The following FHAD1 variants were observed in gnomAD, a reference collection of about 807,000 sequenced individuals.
The protein encoded by FHAD1 is forkhead associated phosphopeptide binding domain 1, also known as forkhead-associated domain-containing protein 1.
A neutral mutation model predicts 191.3 loss-of-function variants in FHAD1; 146 were observed. The ratio of observed to expected loss-of-function variants is 0.76; its 90% CI spans 0.67 to 0.88. The LOEUF (loss-of-function observed/expected upper bound fraction) is 0.88. Among genes scored for constraint, FHAD1 ranks in the 40% least tolerant of loss-of-function variants. The probability of loss-of-function intolerance (pLI) is 0.00; values close to 1 mark genes in which losing one functional copy is unlikely to be tolerated. For synonymous variants in FHAD1, 616 were observed against 672.3 expected, an observed-to-expected ratio of 0.92 and a Z score of 1.29; for missense variants, 1,635 against 1,785.8, an observed-to-expected ratio of 0.92 and a Z score of 1.52.
At chr1:15,245,716 T>G (rs1645941538), upstream of FHAD1, among the ~76,000 whole-genome samples, 1 of 152,186 alleles carries the variant, frequency 6.6e-6, no homozygotes, top group African/African-American at 2.4e-5. Context: ...TGGAAGAGAT[T>G]TGTAGGGACA....
rs373546783 is a variant in FHAD1, at chr1:15,329,469, G to A, written c.1834G>A (p.Ala612Thr). Residue 612 changes from alanine to threonine, a missense_variant, in exon 14 of 34, where the codon GCG becomes ACG. Ala to Thr is a moderately conservative substitution (Grantham distance 58). Coordinates refer to ENST00000688493, the MANE Select transcript of FHAD1 (RefSeq NM_001391957.1). The surrounding 1 kb of genome is among the most constrained non-coding windows in gnomAD (Gnocchi z 5.0). Reference protein sequence around the residue: ...QKVVLDVLRHALSWLEEVEQL... With the variant: ...QKVVLDVLRHTLSWLEEVEQL... ...GGTGGTGCTGGACGTCCTGAGGCACGCGCTGTCCTGGCTGGAGGAGGTGGA... is the reference window on the plus strand; with the variant it reads ...GGTGGTGCTGGACGTCCTGAGGCACACGCTGTCCTGGCTGGAGGAGGTGGA... 2.3e-5 allele frequency: 35 copies of A among 1,551,140 alleles called. No individual in the cohort carries two copies. The highest frequency in any genetic ancestry group is 2.7e-5 in the Non-Finnish European group (31 of 1,146,990).
chr1:15,349,098 G>C lies in FHAD1; in HGVS notation c.2403G>C (p.Ser801=), dbSNP rs192804195. The C allele has an allele frequency of 9.7e-6, 15 of 1,551,472 alleles. No homozygotes were observed. The highest frequency in any genetic ancestry group is 1.7e-4 in the Middle Eastern group (1 of 6,012). Residue 801 remains serine, a synonymous_variant, in exon 19 of 34, where the codon TCG becomes TCC. Coordinates refer to ENST00000688493, the MANE Select transcript of FHAD1 (RefSeq NM_001391957.1). ...GAAAAGCAAAGGAAGCCTTGGAGTC[G>C]GAAAAGAGAAAAGTTCAGGATCTGG... The part of the protein sequence containing the change: ...EKRKAKEALE[S]EKRKVQDLEN...
chr1:15,383,793 T>C, intron 31 of FHAD1: 1 of 385,906 alleles, frequency 2.6e-6, no homozygotes, highest in East Asian at 7.8e-5. Flanking sequence ...GGTACGATGA[T>C]CCCTATTTTA....
chr1:15,289,331 C>CTGGGACAAAGAAA lies in FHAD1; in HGVS notation c.301-64_301-52dup. 6.6e-7 allele frequency: 1 copy of CTGGGACAAAGAAA among 1,510,706 alleles called. No individual in the cohort carries two copies. Among genetic ancestry groups the CTGGGACAAAGAAA allele is most frequent in the Non-Finnish European group, 8.9e-7 (1 of 1,124,074 alleles). 93.6% of individuals were successfully genotyped at this position (1,510,706 alleles called of 1,614,324 possible). A position where few individuals can be genotyped will look rare whatever the true frequency, so the allele number is the denominator to read the frequency against. On this transcript the variant is annotated intron_variant, in intron 3 of 33. Coordinates refer to ENST00000688493, the MANE Select transcript of FHAD1 (RefSeq NM_001391957.1). The surrounding 1 kb of genome is among the most constrained non-coding windows in gnomAD (Gnocchi z 4.2). ...AAGACCTTGGGCAGCAATGCTGTGG[C>CTGGGACAAAGAAA]TGGGACAAAGAAATGGAGACCATCC...
chr1:15,375,165 T>G (rs980474946), intron 27 of FHAD1, among the ~76,000 whole-genome samples: 2 of 152,162 alleles, frequency 1.3e-5, no homozygotes, highest in Non-Finnish European at 2.9e-5. Context: ...CTACTTTTTC[T>G]TATTTCATGG....
At chr1:15,255,120 T>TAAAAAAAAAAAAAAAAAAAAAA (rs55969718) in intron 2 of FHAD1, among the ~76,000 whole-genome samples, 4 of 147,762 alleles carry the variant, frequency 2.7e-5, no homozygotes, top group Non-Finnish European at 6.0e-5. Flanking sequence ...TCAGGAATCT[T>TAAAAAAAAAAAAAAAAAAAAAA]AAAAAAGTCA....
Position 15,313,160 on chromosome 1 carries a change from C to T in FHAD1, c.1143C>T (p.Asp381=). ...TAAAAAGTCAGAACAAGGACAAGGA[C>T]CACCAGCTGGAAGCCCTTGGCTCTA... ...SHLKSQNKDK[D]HQLEALGSRC... Residue 381 remains aspartate (D), a synonymous_variant, in exon 8 of 34, where the codon GAC becomes GAT. Transcript: ENST00000688493. 6.4e-7 allele frequency: 1 copy of T among 1,551,990 alleles called. No individual in the cohort carries two copies.
rs576672295 is a variant in FHAD1 at position 15,343,435 on chromosome 1, T to G, written c.2130+1547T>G. On this transcript the variant is annotated intron_variant, in intron 16 of 33. Transcript: ENST00000688493. The stretch of plus-strand genomic sequence containing the variant: ...ATATCTCCTCTCTTCCCCGGAAGAG[T>G]ACTGGACCTGCCCCCTTCTCCATCT... Among the ~76,000 whole-genome samples the G allele has an allele frequency of 5.5e-5, 8 of 146,240 alleles. No homozygotes were observed. In the Admixed American group the frequency reaches 5.6e-4, roughly 10 times the overall value.
At chr1:15,354,320 C>G (rs1335410999) in intron 20 of FHAD1, among the ~76,000 whole-genome samples, 1 of 152,146 alleles carries the variant, frequency 6.6e-6, no homozygotes, top group East Asian at 1.9e-4. Context: ...CAACGCTGCT[C>G]TAGGGAGAAT....
intron 2 of FHAD1, among the ~76,000 whole-genome samples, chr1:15,263,720 A>G (rs1652175016): frequency 6.6e-6 from 1 of 151,646 alleles, no homozygotes; most frequent in African/African-American, 2.4e-5. Flanking sequence ...GCGGGGTTTC[A>G]TTGTGTTAGC....
At chr1:15,371,444 T>G (rs1698061321) in intron 26 of FHAD1, among the ~76,000 whole-genome samples, 1 of 152,216 alleles carries the variant, frequency 6.6e-6, no homozygotes, top group Non-Finnish European at 1.5e-5. Flanking sequence ...TCCTTCCTGC[T>G]TTCTAAGCCA....
In FHAD1 at chr1:15,272,530, G is replaced by A; in HGVS notation, c.300+1G>A. On this transcript the variant is annotated splice_donor_variant, in intron 3 of 33. Transcript: ENST00000688493. LOFTEE classifies it high-confidence loss of function. The stretch of plus-strand genomic sequence containing the variant: ...ACTGGTCATTGAAAATCCACCTCCG[G>A]TGAGTCCGGGCCACTGGGGGATAGA... The A allele has an allele frequency of 6.5e-7, 1 of 1,542,658 alleles. No individual in the cohort carries two copies.
At chr1:15,277,365 A>T (rs1055289048) in intron 3 of FHAD1, among the ~76,000 whole-genome samples, 1 of 152,230 alleles carries the variant, frequency 6.6e-6, no homozygotes, top group Non-Finnish European at 1.5e-5. Flanking sequence ...TCCAATGGCA[A>T]TCTAGCCTTT....
At chr1:15,241,816 T>A (rs1252233501) in intron 1 of FHAD1, among the ~76,000 whole-genome samples, 1 of 152,148 alleles carries the variant, frequency 6.6e-6, no homozygotes, top group Non-Finnish European at 1.5e-5. Flanking sequence ...TGGATTCTGG[T>A]TAGGTGGGTG....
At chr1:15,286,502 A>C (rs1005932355) in intron 3 of FHAD1, among the ~76,000 whole-genome samples, 1 of 151,996 alleles carries the variant, frequency 6.6e-6, no homozygotes, top group African/African-American at 2.4e-5. Context: ...ACGCTGTTTC[A>C]AAAAAAATGG....
chr1:15,393,769 C>CTTT (rs547494796), intron 33 of FHAD1, among the ~76,000 whole-genome samples: 2 of 144,072 alleles, frequency 1.4e-5, no homozygotes, highest in Admixed American at 7.0e-5. Context: ...CCCCTGGCCT[C>CTTT]TTTTTTTTTT....
intron 10 of FHAD1, among the ~76,000 whole-genome samples, chr1:15,321,088 C>T (rs988207904): frequency 6.6e-6 from 1 of 152,152 alleles, no homozygotes; most frequent in Non-Finnish European, 1.5e-5. Context: ...GTGTACACCA[C>T]CATGCCCAGC....
rs936026805 is a variant in FHAD1 at position 15,316,788 on chromosome 1, A to T, written c.1260+321A>T. Among the ~76,000 whole-genome samples, 1 of 152,130 alleles carries T rather than the reference A, an allele frequency of 6.6e-6. No individual in the cohort carries two copies. The highest frequency in any genetic ancestry group is 2.4e-5 in the African/African-American group (1 of 41,428). ...TCCCCTGCCCCACCCCTGACCTGTG[A>T]CTCCCAAACATGTATTCCACTGTCC... On this transcript the variant is annotated intron_variant, in intron 9 of 33. Transcript: ENST00000688493. This position sits in a 1 kb window ranked among gnomAD's most constrained non-coding sequence, Gnocchi z 4.3.
At position 15,343,390 on chromosome 1, in the gene FHAD1, C is replaced by T. The variant is rs116726519; in HGVS notation, c.2130+1502C>T. ...CAAGACAGCAGCCCCCCAGATCCAC[C>T]GGACCCCAACTCTTCCCAGATATCT... On this transcript the variant is annotated intron_variant, in intron 16 of 33. Coordinates refer to ENST00000688493, the MANE Select transcript of FHAD1 (RefSeq NM_001391957.1). Among the ~76,000 whole-genome samples, 636 of 151,752 alleles carry T rather than the reference C, an allele frequency of 4.2e-3. 8 individuals are homozygous for T. The highest frequency in any genetic ancestry group is 0.015 in the African/African-American group (608 of 41,294).
Sources: gnomAD v4.1 joint callset for allele counts (sites outside exome capture counted in the v4.1 genomes callset) on GRCh38, gnomAD v4.1.1 for gene constraint, Gnocchi (gnomAD v3.1) non-coding constraint, MANE v1.5 for transcripts, NCBI Gene and HGNC (gene_info 2026-07-23, HGNC 2026-07-21) for gene names.